The following ZFHX3 variants were observed in gnomAD, a reference collection of about 807,000 sequenced individuals.
ZFHX3 encodes zinc finger homeobox protein 3.
In ZFHX3, 42 loss-of-function variants were observed where a neutral mutation model predicts 279.1. The ratio of observed to expected loss-of-function variants is 0.15; its 90% CI spans 0.12 to 0.19. The LOEUF is 0.19. ZFHX3 is among the 10% of genes least tolerant of loss of function. ZFHX3 has a pLI of 1.00. For missense variants in ZFHX3, 4,981 were observed against 4,754.0 expected, an observed-to-expected ratio of 1.05 and a Z score of -1.40; for synonymous variants, 2,293 against 1,957.8, an observed-to-expected ratio of 1.17 and a Z score of -4.52.
chr16:73,112,425 TA>T (rs1966386036), intron 7 of ZFHX3, among the ~76,000 whole-genome samples: 1 of 151,836 alleles, frequency 6.6e-6, no homozygotes. Flanking sequence ...AAAAAAATTT[TA>T]AAAAGGCCGA....
chr16:73,445,660 C>A (rs1327196364), intron 3 of ZFHX3, among the ~76,000 whole-genome samples: 1 of 152,144 alleles, frequency 6.6e-6, no homozygotes, highest in Non-Finnish European at 1.5e-5. Context: ...TGGATTTGAT[C>A]ACTTCAGGTC....
intron 4 of ZFHX3, among the ~76,000 whole-genome samples, chr16:72,878,039 A>T (rs1567560642): frequency 6.6e-6 from 1 of 152,118 alleles, no homozygotes; most frequent in East Asian, 1.9e-4. Context: ...CAAATGAAAA[A>T]ACTAGCCAGG....
At chr16:72,846,340 C>G (rs2037479733) in intron 4 of ZFHX3, among the ~76,000 whole-genome samples, 1 of 152,298 alleles carries the variant, frequency 6.6e-6, no homozygotes, top group East Asian at 1.9e-4. Flanking sequence ...GTGCAAAGAC[C>G]CAGGGCACAG....
At chr16:73,358,807 C>A (rs9937332) in intron 3 of ZFHX3, among the ~76,000 whole-genome samples, 7,463 of 152,298 alleles carry the variant, frequency 0.049, 554 homozygotes, top group African/African-American at 0.16. Context: ...CCACCAGGAT[C>A]TGAATTCTGG....
At chr16:72,990,553 C>T (rs945943206) in intron 1 of ZFHX3, among the ~76,000 whole-genome samples, 6 of 152,150 alleles carry the variant, frequency 3.9e-5, no homozygotes, top group Non-Finnish European at 7.4e-5. Flanking sequence ...AGCTGCTGAG[C>T]GATCTTAAAA....
intron 7 of ZFHX3, among the ~76,000 whole-genome samples, chr16:73,121,751 G>A (rs1037854639): frequency 2.6e-5 from 4 of 151,872 alleles, no homozygotes; most frequent in Non-Finnish European, 5.9e-5. Context: ...AAGTAGCTGG[G>A]ACTACAGGCG....
chr16:73,622,492 G>A (rs1021972228), intron 2 of ZFHX3, among the ~76,000 whole-genome samples: 8 of 152,142 alleles, frequency 5.3e-5, no homozygotes, highest in Non-Finnish European at 1.5e-5. Context: ...AACCGGGGAG[G>A]TGGAGCTTGC....
intron 1 of ZFHX3, among the ~76,000 whole-genome samples, chr16:73,756,821 T>C (rs1253017890): frequency 6.6e-6 from 1 of 151,864 alleles, no homozygotes; most frequent in East Asian, 1.9e-4. Context: ...TTTATGATCT[T>C]GGTGCCTTTT....
chr16:73,755,812 T>G (rs185836926), intron 1 of ZFHX3, among the ~76,000 whole-genome samples: 1 of 152,300 alleles, frequency 6.6e-6, no homozygotes, highest in East Asian at 1.9e-4. Flanking sequence ...AGAAGCAATT[T>G]TAATTTTTAA....
intron 3 of ZFHX3, among the ~76,000 whole-genome samples, chr16:73,417,096 A>G (rs534518176): frequency 1.3e-5 from 2 of 152,148 alleles, no homozygotes; most frequent in South Asian, 2.1e-4. Context: ...CACCTCTGCT[A>G]TTGCTGCCCA....
chr16:73,149,942 G>A (rs1025537805), intron 5 of ZFHX3, among the ~76,000 whole-genome samples: 2 of 152,084 alleles, frequency 1.3e-5, no homozygotes, highest in Non-Finnish European at 2.9e-5. Flanking sequence ...TGACACCTGC[G>A]CAGTCAAAGG....
chr16:73,643,070 G>A (rs1229539356), intron 2 of ZFHX3, among the ~76,000 whole-genome samples: 1 of 152,140 alleles, frequency 6.6e-6, no homozygotes, highest in Admixed American at 6.5e-5. Context: ...CACATAAAAG[G>A]AGTGCTAAGC....
At chr16:73,467,683 A>G (rs1005620310) in intron 2 of ZFHX3, among the ~76,000 whole-genome samples, 8 of 152,178 alleles carry the variant, frequency 5.3e-5, no homozygotes, top group African/African-American at 1.9e-4. Flanking sequence ...TAACTTCTCT[A>G]TATGTATGAA....
intron 5 of ZFHX3, among the ~76,000 whole-genome samples, chr16:73,225,775 T>C (rs2012573629): frequency 1.3e-5 from 2 of 152,112 alleles, no homozygotes; most frequent in South Asian, 2.1e-4. Context: ...TAGTGGCCCA[T>C]ATGAATTTTT....
intron 2 of ZFHX3, among the ~76,000 whole-genome samples, chr16:73,466,887 C>A (rs2018583214): frequency 6.6e-6 from 1 of 152,108 alleles, no homozygotes; most frequent in South Asian, 2.1e-4. Context: ...GGCTGAGTTG[C>A]AACCACAGGG....
At chr16:73,640,823 A>G (rs1274553149) in intron 2 of ZFHX3, among the ~76,000 whole-genome samples, 3 of 152,298 alleles carry the variant, frequency 2.0e-5, no homozygotes, top group South Asian at 2.1e-4. Flanking sequence ...AGACACAAAA[A>G]CTTCAGATTA....
intron 1 of ZFHX3, among the ~76,000 whole-genome samples, chr16:73,684,942 G>A (rs1299443449): frequency 2.6e-5 from 4 of 151,782 alleles, no homozygotes; most frequent in South Asian, 4.2e-4. Context: ...CTCATGATCC[G>A]CCCACCTCAG....
chr16:73,574,345 G>GCC (rs5817853), intron 2 of ZFHX3, among the ~76,000 whole-genome samples: 2,216 of 151,366 alleles, frequency 0.015, 59 homozygotes, highest in African/African-American at 0.05. Context: ...CATTTCTTGG[G>GCC]CCCCCCCCAG....
intron 1 of ZFHX3, among the ~76,000 whole-genome samples, chr16:73,690,961 C>T (rs779580042): frequency 5.9e-5 from 9 of 152,296 alleles, no homozygotes; most frequent in East Asian, 1.9e-4. Context: ...GTTTGTTATT[C>T]ATCAACAGAT....
Sources: allele counts gnomAD v4.1 joint callset (sites outside exome capture counted in the v4.1 genomes callset), GRCh38; gene constraint gnomAD v4.1.1; transcripts MANE v1.5; gene names NCBI Gene and HGNC (gene_info 2026-07-23, HGNC 2026-07-21).